Variants in PCDH15 observed in about 807,000 individuals in gnomAD.
PCDH15 encodes protocadherin related 15.
In PCDH15, 129 loss-of-function variants were observed where a neutral mutation model predicts 178.5. That is an observed-to-expected ratio of 0.72 (90% CI 0.63 to 0.84). The LOEUF is 0.84. Among genes scored for constraint, PCDH15 ranks in the 40% least tolerant of loss-of-function variants. PCDH15 has a pLI of 0.00. For missense variants in PCDH15, 2,230 were observed against 2,099.9 expected, an observed-to-expected ratio of 1.06 and a Z score of -1.21; for synonymous variants, 800 against 732.0, an observed-to-expected ratio of 1.09 and a Z score of -1.50.
chr10:54,627,983 T>C (rs535806339), intron 2 of PCDH15, among the ~76,000 whole-genome samples: 6 of 152,356 alleles, frequency 3.9e-5, no homozygotes, highest in Non-Finnish European at 1.5e-5. Flanking sequence ...TGCAATGAGC[T>C]AGTATTTGCA....
At chr10:55,305,680 TC>T (rs1843403961) in intron 1 of PCDH15, among the ~76,000 whole-genome samples, 1 of 152,192 alleles carries the variant, frequency 6.6e-6, no homozygotes, top group African/African-American at 2.4e-5. Flanking sequence ...TACAATTCTT[TC>T]CCTTGCTGTC....
intron 23 of PCDH15, among the ~76,000 whole-genome samples, chr10:53,944,710 G>A (rs978227073): frequency 2.6e-5 from 4 of 152,186 alleles, no homozygotes; most frequent in African/African-American, 7.2e-5. Flanking sequence ...ACAGCTTACT[G>A]ATGTAGCTTG....
intron 3 of PCDH15, among the ~76,000 whole-genome samples, chr10:54,865,875 A>G (rs377418883): frequency 3.4e-4 from 52 of 152,338 alleles, no homozygotes; most frequent in African/African-American, 1.1e-3. Flanking sequence ...GAAATAATCA[A>G]TTAGGAATAA....
intron 18 of PCDH15, among the ~76,000 whole-genome samples, chr10:54,065,353 T>C (rs1248096581): frequency 6.6e-6 from 1 of 152,224 alleles, no homozygotes; most frequent in Non-Finnish European, 1.5e-5. Context: ...GCAATCTTGT[T>C]ACTGGCTACC....
At chr10:54,046,878 G>C (rs1346858653) in intron 18 of PCDH15, among the ~76,000 whole-genome samples, 3 of 101,360 alleles carry the variant, frequency 3.0e-5, no homozygotes. Flanking sequence ...AATTCTTTCT[G>C]TAAAACCAAG....
At chr10:54,044,068 C>A (rs1264753710) in intron 18 of PCDH15, among the ~76,000 whole-genome samples, 1 of 151,990 alleles carries the variant, frequency 6.6e-6, no homozygotes, top group Non-Finnish European at 1.5e-5. Context: ...GCAGGATATG[C>A]CTTATAGTAT....
chr10:53,928,117 C>A (rs897680327), intron 25 of PCDH15, among the ~76,000 whole-genome samples: 2 of 152,064 alleles, frequency 1.3e-5, no homozygotes, highest in Non-Finnish European at 2.9e-5. Flanking sequence ...AGTAGAACTT[C>A]AGAGACTGGT....
chr10:54,520,969 A>G (rs1448258324), intron 3 of PCDH15, among the ~76,000 whole-genome samples: 2 of 150,994 alleles, frequency 1.3e-5, no homozygotes, highest in African/African-American at 2.4e-5. Flanking sequence ...AGGACAAAAA[A>G]ACAAACACCG....
At chr10:54,787,787 A>T (rs980944943) in intron 1 of PCDH15, among the ~76,000 whole-genome samples, 3 of 151,976 alleles carry the variant, frequency 2.0e-5, no homozygotes, top group Non-Finnish European at 4.4e-5. Context: ...TGCATCCCAA[A>T]TTCATGTTTG....
At chr10:54,320,333 A>G (rs1480151139) in intron 7 of PCDH15, among the ~76,000 whole-genome samples, 5 of 152,006 alleles carry the variant, frequency 3.3e-5, no homozygotes, top group Non-Finnish European at 7.4e-5. Context: ...TTCTTCCCTT[A>G]GAAGCCTCCT....
At chr10:53,816,116 T>C in intron 35 of PCDH15, 123 bp downstream of exon 35, 1 of 394,758 alleles carries the variant, frequency 2.5e-6, no homozygotes, top group Non-Finnish European at 4.5e-6. Flanking sequence ...AAAGACTCTT[T>C]TCTTTTCCTT....
intron 2 of PCDH15, among the ~76,000 whole-genome samples, chr10:55,528,080 A>G (rs1331861250): frequency 6.6e-6 from 1 of 151,988 alleles, no homozygotes; most frequent in Non-Finnish European, 1.5e-5. Context: ...TCTGTTGCCC[A>G]AGCAGCAGGG....
rs982013041 is a variant in PCDH15 at position 53,824,991 on chromosome 10, GGAAGACAAAACTTTC to G, written c.4367+2387_4367+2401del. The G allele has an allele frequency of 1.3e-5, 13 of 1,037,478 alleles. No individual in the cohort carries two copies. In the African/African-American group the frequency reaches 2.2e-4, roughly 17 times the overall value. The allele number at this position is 1,037,478 out of a possible 1,614,324, so 64.3% of individuals were successfully genotyped here. ...ATGCCATCAAAAGGAAATTGGGTGT[GGAAGACAAAACTTTC>G]CTTTTAACAGTAAGTGAGTCTGTGG... On this transcript the variant is annotated intron_variant, in intron 32 of 37. Coordinates refer to ENST00000644397, the MANE Select transcript of PCDH15 (RefSeq NM_001384140.1).
At chr10:54,293,932 T>C (rs2059584374) in intron 8 of PCDH15, among the ~76,000 whole-genome samples, 1 of 152,150 alleles carries the variant, frequency 6.6e-6, no homozygotes, top group Non-Finnish European at 1.5e-5. Context: ...GATCTAGGAC[T>C]AGAAATACCA....
intron 2 of PCDH15, among the ~76,000 whole-genome samples, chr10:54,940,950 T>G (rs184210863): frequency 6.6e-6 from 1 of 152,244 alleles, no homozygotes; most frequent in Non-Finnish European, 1.5e-5. Context: ...AGTAGGATTT[T>G]AGAAAATTCT....
At chr10:54,170,612 G>A (rs1012691068) in intron 13 of PCDH15, among the ~76,000 whole-genome samples, 2 of 151,086 alleles carry the variant, frequency 1.3e-5, no homozygotes, top group African/African-American at 4.9e-5. Flanking sequence ...CTTCAATCCG[G>A]CCTCCCACAT....
intron 2 of PCDH15, among the ~76,000 whole-genome samples, chr10:54,651,441 G>A (rs1298765012): frequency 6.6e-6 from 1 of 152,074 alleles, no homozygotes; most frequent in Non-Finnish European, 1.5e-5. Context: ...AGAGATTAGC[G>A]GTTCACTGTT....
chr10:55,292,727 T>A (rs1843038436), intron 1 of PCDH15, among the ~76,000 whole-genome samples: 2 of 152,182 alleles, frequency 1.3e-5, no homozygotes, highest in Non-Finnish European at 2.9e-5. Flanking sequence ...TTTAACTCCA[T>A]GTTTCACATC....
At chr10:55,607,822 G>A (rs535306185) in intron 2 of PCDH15, among the ~76,000 whole-genome samples, 29 of 148,732 alleles carry the variant, frequency 1.9e-4, no homozygotes, top group Admixed American at 1.4e-3. Context: ...TGGGTGCAGC[G>A]CACCAGCATG....
Sources: allele counts gnomAD v4.1 joint callset (sites outside exome capture counted in the v4.1 genomes callset), GRCh38; gene constraint gnomAD v4.1.1; transcripts MANE v1.5; gene names NCBI Gene and HGNC (gene_info 2026-07-23, HGNC 2026-07-21).